HCRTR2: variants seen among roughly 807,000 people sequenced by gnomAD.
HCRTR2 encodes hypocretin receptor 2.
A neutral mutation model predicts 49.0 loss-of-function variants in HCRTR2; 22 were observed. The observed-to-expected ratio is 0.45, with a 90% CI of 0.32 to 0.64. HCRTR2 has a LOEUF of 0.64. Ranked by LOEUF, HCRTR2 falls within the 30% of genes least tolerant of loss-of-function variation. The probability of loss-of-function intolerance (pLI) is 0.04; values close to 1 mark genes in which losing one functional copy is unlikely to be tolerated. For synonymous variants in HCRTR2, 236 were observed against 205.3 expected, an observed-to-expected ratio of 1.15 and a Z score of -1.28; for missense variants, 491 against 559.4, an observed-to-expected ratio of 0.88 and a Z score of 1.23.
intron 1 of HCRTR2, among the ~76,000 whole-genome samples, chr6:55,220,407 A>T (rs1765868883): frequency 1.3e-5 from 2 of 152,194 alleles, no homozygotes; most frequent in Non-Finnish European, 2.9e-5. Context: ...TTAACATATG[A>T]ATATCAATCA....
At chr6:55,110,883 A>C (rs1361015417) in intron 1 of HCRTR2, among the ~76,000 whole-genome samples, 3 of 152,112 alleles carry the variant, frequency 2.0e-5, no homozygotes, top group African/African-American at 7.2e-5. Context: ...AACTTAACAG[A>C]CATTTACAGA....
upstream of HCRTR2, among the ~76,000 whole-genome samples, chr6:55,172,547 T>G (rs934197658): frequency 6.6e-6 from 1 of 152,166 alleles, no homozygotes. Context: ...TTAGTGCAGA[T>G]TGGGGAAATA....
rs201577298 is a variant in HCRTR2, at chr6:55,263,845, C to G, written c.762+23C>G. 22 of 1,305,918 alleles carry G rather than the reference C, an allele frequency of 1.7e-5. No individual in the cohort carries two copies. In the East Asian group the frequency reaches 4.2e-4, roughly 25 times the overall value. 80.9% of individuals were successfully genotyped at this position (1,305,918 alleles called of 1,614,324 possible). On this transcript the variant is annotated intron_variant, in intron 4 of 6. Coordinates refer to ENST00000370862, the MANE Select transcript of HCRTR2 (RefSeq NM_001384272.1). ...CAGGTATATAGTTTCAAATATTTTG[C>G]GTGCATTATTCCTCCACACATAATT...
At chr6:55,282,630 T>C (rs988725350), downstream of HCRTR2, 1 of 599,914 alleles carries the variant, frequency 1.7e-6, no homozygotes, top group Non-Finnish European at 2.9e-6. Flanking sequence ...ATTTCTCAAC[T>C]TTTGATTTAA....
intron 6 of HCRTR2, among the ~76,000 whole-genome samples, chr6:55,280,716 C>T (rs1243042152): frequency 6.6e-6 from 1 of 152,156 alleles, no homozygotes; most frequent in Non-Finnish European, 1.5e-5. Flanking sequence ...CAAAATCTTA[C>T]ATGACATACT....
chr6:55,262,487 CTTA>C lies in HCRTR2; in HGVS notation c.647-1212_647-1210del, dbSNP rs933267042. On this transcript the variant is annotated intron_variant, in intron 3 of 6. Coordinates refer to ENST00000370862, the MANE Select transcript of HCRTR2 (RefSeq NM_001384272.1). ...TTATATCTAAATATATAATATATAA[CTTA>C]TTATTATATATTATAATATAACTTA... is the stretch of plus-strand genomic sequence containing the variant. 4.5e-4 allele frequency among the ~76,000 whole-genome samples: 55 copies of C among 122,950 alleles called. 1 individual carries two copies. The highest frequency in any genetic ancestry group is 1.4e-3 in the South Asian group (6 of 4,144). 80.7% of individuals were successfully genotyped at this position (122,950 alleles called of 152,430 possible).
intron 1 of HCRTR2, among the ~76,000 whole-genome samples, chr6:55,145,188 G>A (rs1365853323): frequency 6.6e-6 from 1 of 152,054 alleles, no homozygotes; most frequent in African/African-American, 2.4e-5. Flanking sequence ...TATGTCAATT[G>A]TGTAACAGAC....
intron 1 of HCRTR2, among the ~76,000 whole-genome samples, chr6:55,213,041 C>T (rs936310357): frequency 6.6e-5 from 10 of 151,430 alleles, no homozygotes; most frequent in Non-Finnish European, 1.2e-4. Context: ...GGGTGACTCT[C>T]AAGGGCGAGA....
At position 55,174,748 on chromosome 6, in the gene HCRTR2, A is replaced by G. The variant is rs752192785; in HGVS notation, c.161A>G (p.Glu54Gly). The change falls in exon 1 of 7, where the codon GAG becomes GGG. Residue 54 changes from glutamate (E) to glycine (G), a missense_variant. Coordinates refer to ENST00000370862, the MANE Select transcript of HCRTR2 (RefSeq NM_001384272.1). ...GAATACCTGCACCCGAAAGAATATG[A>G]GTGGGTCCTGATCGCCGGGTACATC... ...WREYLHPKEY[E>G]WVLIAGYIIV... 76 of 1,613,850 alleles carry G rather than the reference A, an allele frequency of 4.7e-5. No homozygotes were observed. The highest frequency in any genetic ancestry group is 6.4e-5 in the Non-Finnish European group (75 of 1,180,008).
chr6:55,280,383 T>C lies in HCRTR2; in HGVS notation c.1044T>C (p.Phe348=). 1.9e-6 allele frequency: 3 copies of C among 1,613,348 alleles called. No individual in the cohort carries two copies. Among genetic ancestry groups the C allele is most frequent in the Non-Finnish European group, 2.5e-6 (3 of 1,179,304 alleles). ...DRETVYAWFT[F]SHWLVYANSA... is the part of the protein sequence containing the mutation. ...AGACTGTGTATGCCTGGTTTACCTT[T>C]TCACACTGGCTTGTATATGCCAATA... is the stretch of plus-strand genomic sequence containing the variant. The change falls in exon 6 of 7, where the codon TTT becomes TTC. Residue 348 remains phenylalanine, a synonymous_variant. Coordinates refer to ENST00000370862, the MANE Select transcript of HCRTR2 (RefSeq NM_001384272.1).
chr6:55,177,407 G>T (rs1445691505), intron 1 of HCRTR2, among the ~76,000 whole-genome samples: 2 of 152,282 alleles, frequency 1.3e-5, no homozygotes, highest in Admixed American at 1.3e-4. Flanking sequence ...TGATGTCACT[G>T]TCAAATTTGC....
chr6:55,107,666 CT>C (rs1763993818), intron 1 of HCRTR2, among the ~76,000 whole-genome samples: 1 of 152,066 alleles, frequency 6.6e-6, no homozygotes, highest in South Asian at 2.1e-4. Flanking sequence ...AAATGTTTGA[CT>C]TGCTTCAGTT....
chr6:55,178,466 T>C (rs1765077833), intron 1 of HCRTR2, among the ~76,000 whole-genome samples: 1 of 152,214 alleles, frequency 6.6e-6, no homozygotes, highest in East Asian at 1.9e-4. Flanking sequence ...TATCAGGATA[T>C]AATGTACGTA....
intron 1 of HCRTR2, among the ~76,000 whole-genome samples, chr6:55,186,937 TAAC>T (rs1765225815): frequency 6.6e-6 from 1 of 152,182 alleles, no homozygotes; most frequent in Non-Finnish European, 1.5e-5. Flanking sequence ...GAAAAAATAA[TAAC>T]ACTTTCAGGT....
Position 55,263,802 on chromosome 6 carries a change from C to G in HCRTR2, c.742C>G (p.Arg248Gly), listed in dbSNP as rs766006062. The G allele has an allele frequency of 1.2e-6, 2 of 1,608,152 alleles. No homozygotes were observed. Among genetic ancestry groups the G allele is most frequent in the Middle Eastern group, 1.6e-4 (1 of 6,074 alleles). Residue 248 changes from arginine to glycine, a missense_variant, in exon 4 of 7, where the codon CGC (arginine) becomes GGC (glycine). Transcript: ENST00000370862. ...GGTGTTGGCTTATCTGCAAATATTT[C>G]GCAAACTCTGGTGTCGACAGGTATA... ...LMVLAYLQIF[R>G]KLWCRQIPGT...
intron 1 of HCRTR2, among the ~76,000 whole-genome samples, chr6:55,143,157 A>G (rs1355815778): frequency 1.4e-5 from 2 of 140,752 alleles, no homozygotes; most frequent in Admixed American, 6.9e-5. Context: ...AGTTTCCAGT[A>G]TTTACCAATT....
chr6:55,197,178 C>T (rs1217633416), intron 1 of HCRTR2, among the ~76,000 whole-genome samples: 2 of 152,074 alleles, frequency 1.3e-5, no homozygotes, highest in Non-Finnish European at 2.9e-5. Flanking sequence ...AACTGTTAAC[C>T]CCAAGCCTAA....
intron 1 of HCRTR2, among the ~76,000 whole-genome samples, chr6:55,127,857 T>A (rs1023707823): frequency 1.3e-5 from 2 of 152,214 alleles, no homozygotes; most frequent in Non-Finnish European, 2.9e-5. Flanking sequence ...AAAATTTTTC[T>A]CCAATTTGTT....
chr6:55,213,437 G>A (rs1166347951), intron 1 of HCRTR2, among the ~76,000 whole-genome samples: 2 of 152,088 alleles, frequency 1.3e-5, no homozygotes, highest in African/African-American at 4.8e-5. Flanking sequence ...TCAGCAAGAT[G>A]GAGATATAGA....
Sources: allele counts gnomAD v4.1 joint callset (sites outside exome capture counted in the v4.1 genomes callset), GRCh38; gene constraint gnomAD v4.1.1; transcripts MANE v1.5; gene names NCBI Gene and HGNC (gene_info 2026-07-23, HGNC 2026-07-21).